Variants in TOP2A observed in about 807,000 individuals in gnomAD.
The protein encoded by TOP2A is DNA topoisomerase 2-alpha.
TOP2A carries 68 observed loss-of-function variants against 187.2 expected under a neutral mutation model. The observed-to-expected ratio is 0.36, with a 90% confidence interval of 0.30 to 0.44. TOP2A has a LOEUF of 0.44. Among genes scored for constraint, TOP2A ranks in the 20% least tolerant of loss-of-function variants. The probability of loss-of-function intolerance (pLI) is 1.00; values close to 1 mark genes in which losing one functional copy is unlikely to be tolerated. For missense variants in TOP2A, 1,196 were observed against 1,808.7 expected, an observed-to-expected ratio of 0.66 and a Z score of 6.14; for synonymous variants, 542 against 593.2, an observed-to-expected ratio of 0.91 and a Z score of 1.25.
Position 40,400,657 on chromosome 17 carries a change from T to G in TOP2A, c.2671A>C (p.Ser891Arg), listed in dbSNP as rs1477035119. The G allele has an allele frequency of 5.0e-6, 8 of 1,590,106 alleles. No individual in the cohort carries two copies. In the African/African-American group the frequency reaches 1.1e-4, roughly 22 times the overall value. The change falls in exon 22 of 35, where the codon AGT becomes CGT. Residue 891 changes from serine (S) to arginine (R), a missense_variant. By Grantham distance (110) the Ser-to-Arg change is moderately radical. Transcript: ENST00000423485. The stretch of plus-strand genomic sequence containing the variant: ...ATAGTACCCTTGAAGTTCTTGTAAC[T>G]TGGAAGCTAAATTGGCATTTAAAAA... Reference protein sequence around the residue: ...DGEEPLPMLPSYKNFKGTIEE... With the variant: ...DGEEPLPMLPRYKNFKGTIEE...
In TOP2A at chr17:40,411,544, C is replaced by T; in HGVS notation, c.964-89G>A. 2 of 1,546,330 alleles carry T rather than the reference C, an allele frequency of 1.3e-6. No individual in the cohort carries two copies. Among genetic ancestry groups the T allele is most frequent in the Non-Finnish European group, 1.8e-6 (2 of 1,120,782 alleles). On this transcript the variant is annotated intron_variant, in intron 8 of 34. Coordinates refer to ENST00000423485, the MANE Select transcript of TOP2A (RefSeq NM_001067.4). The surrounding 1 kb of genome is among the most constrained non-coding windows in gnomAD (Gnocchi z 4.4). The stretch of plus-strand genomic sequence containing the variant: ...AAAAACTAATTTAACCTCCTTTATA[C>T]TAAGCTAGCCCAATATTCAAGTCCA...
chr17:40,412,686 A>G (rs2035337446), intron 7 of TOP2A, 73 bp downstream of exon 7: 1 of 1,269,668 alleles, frequency 7.9e-7, no homozygotes, highest in Non-Finnish European at 1.1e-6. Context: ...ATGGGAGGGG[A>G]AAAAATTCAA....
intron 19 of TOP2A, 28 bp from the exon 20 acceptor site, chr17:40,403,082 T>C: frequency 6.4e-7 from 1 of 1,570,584 alleles, no homozygotes; most frequent in Non-Finnish European, 8.7e-7. Context: ...TTCATTAAGC[T>C]GAGGCTTTTA....
At position 40,395,463 on chromosome 17, in the gene TOP2A, TGTTTC is replaced by T; in HGVS notation, c.3792_3796del (p.Lys1265GlufsTer17). 6.2e-7 allele frequency: 1 copy of T among 1,607,760 alleles called. No individual in the cohort carries two copies. Among genetic ancestry groups the T allele is most frequent in the Non-Finnish European group, 8.5e-7 (1 of 1,176,278 alleles). On this transcript the variant is annotated frameshift_variant, in exon 29 of 35. Transcript: ENST00000423485. LOFTEE classifies it high-confidence loss of function. ...TGTTGTAATACCTGGTTCTCTTTTC[TGTTTC>T]TTTTCTAATCTTTGTTTTAGGCCTT...
intron 10 of TOP2A, 136 bp downstream of exon 10, chr17:40,410,973 C>CT: frequency 1.1e-6 from 1 of 900,924 alleles, no homozygotes; most frequent in Non-Finnish European, 1.6e-6. Flanking sequence ...AAGTAAAGCC[C>CT]TTTTTTACTT....
rs1276177473 is a variant in TOP2A at position 40,392,129 on chromosome 17, A to G, written c.4089-18T>C. 29 of 1,610,646 alleles carry G rather than the reference A, an allele frequency of 1.8e-5. No individual in the cohort carries two copies. Among genetic ancestry groups the G allele is most frequent in the Non-Finnish European group, 2.5e-5 (29 of 1,178,500 alleles). On this transcript the variant is annotated intron_variant, in intron 31 of 34. Coordinates refer to ENST00000423485, the MANE Select transcript of TOP2A (RefSeq NM_001067.4). ...TACTAAGTCTAGAATTAAAAAAAAA[A>G]ATCCTGACAACCAATTCTAAATGTG...
chr17:40,413,796 G>A (rs2035354338), intron 4 of TOP2A, among the ~76,000 whole-genome samples, 171 bp from the exon 5 acceptor site: 1 of 152,098 alleles, frequency 6.6e-6, no homozygotes, highest in African/African-American at 2.4e-5. Context: ...ATCACTTGAG[G>A]CCAGGAGTTC....
In TOP2A at chr17:40,398,830, G is replaced by A. The variant is rs754253320; in HGVS notation, c.3396C>T (p.Pro1132=). ...TCTTTTCCTTGGTTAAATACCAAAGGGGCATATCAAGAAGATAGTTGAAGG... is the reference window on the plus strand; with the variant it reads ...TCTTTTCCTTGGTTAAATACCAAAGAGGCATATCAAGAAGATAGTTGAAGG... ...GPTFNYLLDM[P]LWYLTKEKKD... is the part of the protein sequence containing the mutation. The change falls in exon 26 of 35, where the codon CCC becomes CCT. Residue 1132 remains proline, a synonymous_variant. Coordinates refer to ENST00000423485, the MANE Select transcript of TOP2A (RefSeq NM_001067.4). The A allele has an allele frequency of 3.7e-6, 6 of 1,613,474 alleles. No individual in the cohort carries two copies. In the East Asian group the frequency reaches 1.1e-4, roughly 30 times the overall value.
intron 11 of TOP2A, 84 bp downstream of exon 11, chr17:40,408,408 A>G: frequency 1.5e-6 from 2 of 1,376,026 alleles, no homozygotes; most frequent in Non-Finnish European, 2.0e-6. Context: ...TGTCAAGGGA[A>G]AAATAAATAT....
At position 40,392,130 on chromosome 17, in the gene TOP2A, A is replaced by T. The variant is rs1483091296; in HGVS notation, c.4089-19T>A. The T allele has an allele frequency of 6.2e-7, 1 of 1,608,872 alleles. No individual in the cohort carries two copies. Among genetic ancestry groups the T allele is most frequent in the South Asian group, 1.1e-5 (1 of 89,984 alleles). On this transcript the variant is annotated intron_variant, in intron 31 of 34. Transcript: ENST00000423485. ...ACTAAGTCTAGAATTAAAAAAAAAA[A>T]TCCTGACAACCAATTCTAAATGTGT...
intron 33 of TOP2A, among the ~76,000 whole-genome samples, chr17:40,390,450 A>G (rs1322446862): frequency 6.6e-6 from 1 of 152,008 alleles, no homozygotes; most frequent in Non-Finnish European, 1.5e-5. Context: ...TCGGCCTCCC[A>G]AAGTGCTGGG....
intron 20 of TOP2A, among the ~76,000 whole-genome samples, chr17:40,401,811 G>T (rs952861956): frequency 2.6e-5 from 4 of 152,012 alleles, no homozygotes; most frequent in Admixed American, 1.3e-4. Flanking sequence ...AAAAGGCCCT[G>T]AAGAGGAAAT....
In TOP2A at chr17:40,406,703, CAAT is replaced by C. The variant is rs1167231969; in HGVS notation, c.1738-17_1738-15del. On this transcript the variant is annotated splice_polypyrimidine_tract_variant and intron_variant, in intron 14 of 34. Coordinates refer to ENST00000423485, the MANE Select transcript of TOP2A (RefSeq NM_001067.4). Reference sequence around the variant, plus strand: ...GTTTTTAGATACCTGTGATAAAAAACAATGACTGTGGCTTTGTACACTGTGGGG... The same window carrying C: ...GTTTTTAGATACCTGTGATAAAAAACGACTGTGGCTTTGTACACTGTGGGG... 1 of 1,608,282 alleles carries C rather than the reference CAAT, an allele frequency of 6.2e-7. No homozygotes were observed. The highest frequency in any genetic ancestry group is 8.5e-7 in the Non-Finnish European group (1 of 1,176,138).
chr17:40,400,432 A>G (rs895850890), intron 22 of TOP2A, 23 bp from the exon 23 acceptor site: 3 of 1,609,968 alleles, frequency 1.9e-6, no homozygotes, highest in Non-Finnish European at 2.5e-6. Context: ...ATAATCCTGA[A>G]GTTTCTAAAA....
chr17:40,397,360 A>G (rs1481657912), intron 27 of TOP2A, among the ~76,000 whole-genome samples: 1 of 146,180 alleles, frequency 6.8e-6, no homozygotes, highest in Admixed American at 7.1e-5. Context: ...ATCTCGGCTC[A>G]CTGCAACTTC....
chr17:40,407,458 C>G (rs558068), intron 13 of TOP2A, 91 bp downstream of exon 13: 858,009 of 1,054,172 alleles, frequency 0.81, 350,907 homozygotes, highest in African/African-American at 0.96. Context: ...TCCTATTTAA[C>G]TAATTTATTT....
At chr17:40,403,506 G>A (rs1357748378) in intron 19 of TOP2A, among the ~76,000 whole-genome samples, 2 of 152,116 alleles carry the variant, frequency 1.3e-5, no homozygotes, top group Admixed American at 6.6e-5. Context: ...AAAATTTATT[G>A]TATCCCTACT....
chr17:40,394,457 C>T (rs1046100898), intron 29 of TOP2A, among the ~76,000 whole-genome samples: 3 of 152,138 alleles, frequency 2.0e-5, no homozygotes, highest in African/African-American at 2.4e-5. Context: ...CTCAGCCTCT[C>T]GAGTAGCTGG....
chr17:40,405,978 G>A (rs1355853153), intron 16 of TOP2A, among the ~76,000 whole-genome samples: 4 of 152,154 alleles, frequency 2.6e-5, no homozygotes, highest in African/African-American at 9.7e-5. Flanking sequence ...TTGTTAGCCA[G>A]GATGGTCTTG....
Sources: gnomAD v4.1 joint callset for allele counts (sites outside exome capture counted in the v4.1 genomes callset) on GRCh38, gnomAD v4.1.1 for gene constraint, Gnocchi (gnomAD v3.1) non-coding constraint, MANE v1.5 for transcripts, NCBI Gene and HGNC (gene_info 2026-07-23, HGNC 2026-07-21) for gene names.